Variants in GLRA3 observed in about 807,000 individuals in gnomAD.
GLRA3 encodes glycine receptor alpha 3.
Under a neutral mutation model 60.4 loss-of-function variants are expected in GLRA3, and 44 were observed. That is an observed-to-expected ratio of 0.73 (90% CI 0.57 to 0.94). GLRA3 has a LOEUF of 0.94. Ranked by LOEUF, GLRA3 falls within the 40% of genes least tolerant of loss-of-function variation. The probability of loss-of-function intolerance (pLI) is 0.00; values close to 1 mark genes in which losing one functional copy is unlikely to be tolerated. For missense variants in GLRA3, 508 were observed against 564.6 expected, an observed-to-expected ratio of 0.90 and a Z score of 1.02; for synonymous variants, 223 against 192.9, an observed-to-expected ratio of 1.16 and a Z score of -1.29.
intron 1 of GLRA3, among the ~76,000 whole-genome samples, chr4:174,791,652 AG>A (rs1203297820): frequency 6.6e-6 from 1 of 152,128 alleles, no homozygotes; most frequent in African/African-American, 2.4e-5. Flanking sequence ...TGCTTAAAAT[AG>A]TTGATTTGAA....
intron 6 of GLRA3, among the ~76,000 whole-genome samples, chr4:174,679,450 G>T (rs1734256276): frequency 6.6e-6 from 1 of 152,188 alleles, no homozygotes; most frequent in African/African-American, 2.4e-5. Context: ...TACACCATTG[G>T]TGGGAATATA....
intron 5 of GLRA3, among the ~76,000 whole-genome samples, chr4:174,692,037 G>C (rs1319939374): frequency 1.1e-4 from 16 of 151,404 alleles, no homozygotes; most frequent in Non-Finnish European, 1.9e-4. Context: ...GCCTCTACCC[G>C]GCCACCACCC....
chr4:174,673,458 A>T (rs571980331), intron 7 of GLRA3, among the ~76,000 whole-genome samples: 1 of 152,160 alleles, frequency 6.6e-6, no homozygotes, highest in Non-Finnish European at 1.5e-5. Flanking sequence ...TCTAAAAAAA[A>T]GATTACAGAA....
intron 4 of GLRA3, among the ~76,000 whole-genome samples, chr4:174,726,808 G>A (rs971905084): frequency 2.7e-5 from 4 of 149,148 alleles, no homozygotes; most frequent in African/African-American, 9.8e-5. Context: ...CTTCCCCGAA[G>A]TGAGATTCTT....
chr4:174,678,570 C>A (rs1414722968), intron 6 of GLRA3, among the ~76,000 whole-genome samples: 1 of 152,160 alleles, frequency 6.6e-6, no homozygotes, highest in Non-Finnish European at 1.5e-5. Context: ...ACAGGTGATG[C>A]ACAGGCACTA....
At chr4:174,787,164 G>A (rs563922679) in intron 2 of GLRA3, among the ~76,000 whole-genome samples, 1 of 152,238 alleles carries the variant, frequency 6.6e-6, no homozygotes, top group Admixed American at 6.5e-5. Context: ...CCACTCTTGT[G>A]TGGTTGGTAA....
At chr4:174,677,326 A>C (rs1561049033) in intron 6 of GLRA3, 34 bp from the exon 7 acceptor site, 1 of 1,196,290 alleles carries the variant, frequency 8.4e-7, no homozygotes, top group Non-Finnish European at 1.2e-6. Context: ...AGCAATTAGT[A>C]CAAATAGGTC....
chr4:174,689,760 A>T (rs1734715913), intron 5 of GLRA3, among the ~76,000 whole-genome samples: 1 of 76,134 alleles, frequency 1.3e-5, no homozygotes, highest in African/African-American at 5.3e-5. Context: ...TCGCATTAAA[A>T]AAAAAAAAAA....
At chr4:174,653,478 C>A (rs1018155725) in intron 9 of GLRA3, among the ~76,000 whole-genome samples, 3 of 151,788 alleles carry the variant, frequency 2.0e-5, no homozygotes, top group African/African-American at 7.3e-5. Context: ...GAGAACCCTG[C>A]ATTTATTATA....
At chr4:174,758,567 T>G (rs532125088) in intron 3 of GLRA3, among the ~76,000 whole-genome samples, 1 of 152,290 alleles carries the variant, frequency 6.6e-6, no homozygotes, top group African/African-American at 2.4e-5. Context: ...GTATCCTGGA[T>G]AGGATAACGG....
intron 3 of GLRA3, among the ~76,000 whole-genome samples, chr4:174,733,818 A>G (rs1273084087): frequency 6.6e-6 from 1 of 152,274 alleles, no homozygotes; most frequent in South Asian, 2.1e-4. Context: ...ACCCGTGAGT[A>G]TAATAAACTG....
chr4:174,781,587 AAG>A (rs1243201047), intron 2 of GLRA3, among the ~76,000 whole-genome samples: 2 of 150,212 alleles, frequency 1.3e-5, no homozygotes, highest in African/African-American at 4.9e-5. Flanking sequence ...TAAAGAAAAA[AAG>A]AGAGAAGAAT....
intron 3 of GLRA3, among the ~76,000 whole-genome samples, chr4:174,749,397 T>G (rs1198068806): frequency 6.6e-6 from 1 of 152,174 alleles, no homozygotes; most frequent in African/African-American, 2.4e-5. Flanking sequence ...GTTGTGGGAA[T>G]AGGCACTTTG....
Position 174,644,054 on chromosome 4 carries a change from A to C in GLRA3, c.1127T>G (p.Val376Gly), listed in dbSNP as rs753987637. ...TGTGAAGCTGAATCGGCTTTCCCTT[A>C]CCTCATCATCCTGTCAAAGAAAAAT... The part of the protein sequence containing the change: ...FYRFSDMDDE[V>G]RESRFSFTAY... Residue 376 changes from valine (V) to glycine (G), a missense_variant, in exon 10 of 10, where the codon GTA becomes GGA. By Grantham distance (109) the Val-to-Gly change is moderately radical (BLOSUM62 -3). Around this residue, in one of 3 missense-constraint regions of GLRA3, gnomAD observed 176 missense variants for 197.9 expected, o/e 0.89. Coordinates refer to ENST00000274093, the MANE Select transcript of GLRA3 (RefSeq NM_006529.4). 1 of 1,606,816 alleles carries C rather than the reference A, an allele frequency of 6.2e-7. No individual in the cohort carries two copies. The highest frequency in any genetic ancestry group is 8.5e-7 in the Non-Finnish European group (1 of 1,174,908).
intron 1 of GLRA3, among the ~76,000 whole-genome samples, chr4:174,790,453 T>C (rs1357186077): frequency 6.6e-6 from 1 of 152,152 alleles, no homozygotes; most frequent in African/African-American, 2.4e-5. Context: ...TAAGTAACTT[T>C]TTCCTCTCCT....
chr4:174,640,712 T>C lies in GLRA3; in HGVS notation c.*3074A>G, dbSNP rs1732604655. ...TCCTGGGTATTCATAAACTAATACA[T>C]GAATTCATGTCTTAGGGATATATAA... On this transcript the variant is annotated 3_prime_UTR_variant, in exon 10 of 10. Coordinates refer to ENST00000274093, the MANE Select transcript of GLRA3 (RefSeq NM_006529.4). 3 of 152,142 alleles carry C rather than the reference T, an allele frequency of 2.0e-5. No homozygotes were observed. Among genetic ancestry groups the C allele is most frequent in the Non-Finnish European group, 4.4e-5 (3 of 67,956 alleles). 9.4% of individuals were successfully genotyped at this position (152,142 alleles called of 1,614,324 possible). A position where few individuals can be genotyped will look rare whatever the true frequency, so the allele number is the denominator to read the frequency against.
At chr4:174,774,641 T>C (rs1416314922) in intron 2 of GLRA3, among the ~76,000 whole-genome samples, 2 of 152,036 alleles carry the variant, frequency 1.3e-5, no homozygotes, top group African/African-American at 4.8e-5. Context: ...AATAACTGAA[T>C]AAGAATATTT....
At chr4:174,782,999 C>G (rs1297067099) in intron 2 of GLRA3, among the ~76,000 whole-genome samples, 3 of 152,188 alleles carry the variant, frequency 2.0e-5, no homozygotes. Context: ...AAAAAAGAGC[C>G]TGCATCACCA....
At chr4:174,686,484 T>C (rs184140623) in intron 5 of GLRA3, among the ~76,000 whole-genome samples, 1 of 152,288 alleles carries the variant, frequency 6.6e-6, no homozygotes, top group East Asian at 1.9e-4. Flanking sequence ...GTAGCTACAA[T>C]AAAACATGTA....
Sources: gnomAD v4.1 joint callset for allele counts (sites outside exome capture counted in the v4.1 genomes callset) on GRCh38, gnomAD v4.1.1 for gene constraint, gnomAD v4.1.1 regional missense constraint, MANE v1.5 for transcripts, NCBI Gene and HGNC (gene_info 2026-07-23, HGNC 2026-07-21) for gene names.